RBM10: variants seen among roughly 807,000 people sequenced by gnomAD.
RBM10 encodes RNA binding motif protein 10, also known as RNA-binding protein 10.
A neutral mutation model predicts 84.9 loss-of-function variants in RBM10; 1 was observed. That is an observed-to-expected ratio of 0.01 (90% CI 0.00 to 0.06). The LOEUF (loss-of-function observed/expected upper bound fraction) is 0.06. RBM10 is among the 10% of genes least tolerant of loss of function. RBM10 has a pLI of 1.00. For synonymous variants in RBM10, 326 were observed against 344.5 expected (o/e 0.95, Z 0.60); for missense variants, 438 against 839.0 (o/e 0.52, Z 5.90).
At chrX:47,181,037 G>A (rs994392522) in intron 12 of RBM10, among the ~76,000 whole-genome samples, 178 bp from the exon 13 acceptor site, 1 of 111,206 alleles carries the variant, frequency 9.0e-6, no homozygotes, top group Non-Finnish European at 1.9e-5. Context: ...TTTGCCACTG[G>A]CCTATTTGTT....
chrX:47,167,964 G>C (rs1260663076), intron 2 of RBM10, among the ~76,000 whole-genome samples: 5 of 111,663 alleles, frequency 4.5e-5, no homozygotes, highest in African/African-American at 1.3e-4. Context: ...CTGTTTAATT[G>C]CTTTAGCTAG....
At chrX:47,167,378 C>CTT (rs59244074) in intron 2 of RBM10, among the ~76,000 whole-genome samples, 4 of 88,502 alleles carry the variant, frequency 4.5e-5, no homozygotes, top group East Asian at 6.9e-4. Context: ...GATTTCATTT[C>CTT]TTTTTTTTTT....
intron 2 of RBM10, among the ~76,000 whole-genome samples, chrX:47,161,517 T>A (rs1602525110): frequency 1.7e-5 from 1 of 60,472 alleles, no homozygotes; most frequent in South Asian, 6.0e-4. Context: ...TCATTAGTTT[T>A]TTTTTTTTTT....
In RBM10 at chrX:47,186,631, G is replaced by A; in HGVS notation, c.*32G>A. ...TCAAGAGCAACTTCTCCACATGTTG[G>A]GTGTCCATCCTGGGGCAGGGAAGGA... On this transcript the variant is annotated 3_prime_UTR_variant, in exon 24 of 24. Coordinates refer to ENST00000377604, the MANE Select transcript of RBM10 (RefSeq NM_005676.5). The A allele has an allele frequency of 2.5e-6, 3 of 1,210,188 alleles. No homozygotes were observed. In the African/African-American group the frequency reaches 5.2e-5, roughly 21 times the overall value.
At chrX:47,157,875 G>A in intron 2 of RBM10, 1 of 295,607 alleles carries the variant, frequency 3.4e-6, no homozygotes, top group Non-Finnish European at 6.0e-6. Context: ...TGCCCCCCAG[G>A]TTCAAGCGAT....
At chrX:47,185,665 C>T (rs1935853555) in intron 20 of RBM10, 35 bp downstream of exon 20, 1 of 1,207,683 alleles carries the variant, frequency 8.3e-7, no homozygotes, top group Non-Finnish European at 1.1e-6. Flanking sequence ...ATGCTGGGGC[C>T]TGGCCCACTG....
chrX:47,173,926 TCTCTC>T (rs1556774891), intron 5 of RBM10, among the ~76,000 whole-genome samples: 3 of 99,118 alleles, frequency 3.0e-5, no homozygotes, highest in Admixed American at 1.1e-4. Flanking sequence ...TCTCTCTCTC[TCTCTC>T]TCTTTCTCCC....
chrX:47,179,612 G>T (rs2147170852), intron 9 of RBM10, 117 bp downstream of exon 9: 1 of 902,512 alleles, frequency 1.1e-6, no homozygotes, highest in South Asian at 2.2e-5. Context: ...TTGGTGCGGG[G>T]ATAGACATTT....
intron 2 of RBM10, among the ~76,000 whole-genome samples, chrX:47,150,918 T>A (rs1005681079): frequency 6.3e-5 from 7 of 111,832 alleles, no homozygotes; most frequent in Admixed American, 5.7e-4. Flanking sequence ...TCTTTGTAAG[T>A]AGTCATTTCA....
At chrX:47,176,436 T>C in intron 6 of RBM10, 64 bp from the exon 7 acceptor site, 1 of 1,204,238 alleles carries the variant, frequency 8.3e-7, no homozygotes, top group East Asian at 3.0e-5. Flanking sequence ...TCTCTTCTCC[T>C]ATGCTGAAAC....
At chrX:47,178,588 G>A (rs782512977) in intron 7 of RBM10, among the ~76,000 whole-genome samples, 3 of 112,202 alleles carry the variant, frequency 2.7e-5, no homozygotes, top group East Asian at 2.8e-4. Flanking sequence ...GAACAGAGAT[G>A]GAGTGTGGTA....
intron 7 of RBM10, 105 bp downstream of exon 7, chrX:47,176,691 C>T: frequency 8.8e-7 from 1 of 1,138,691 alleles, no homozygotes; most frequent in Non-Finnish European, 1.2e-6. Flanking sequence ...CTCTCCCCCT[C>T]CCCCAATCTC....
intron 4 of RBM10, among the ~76,000 whole-genome samples, chrX:47,172,421 C>G (rs1934742771): frequency 8.9e-6 from 1 of 112,312 alleles, no homozygotes; most frequent in Non-Finnish European, 1.9e-5. Context: ...GACTCCTTCC[C>G]AAGAATGGCT....
chrX:47,146,224 T>A (rs1932201868), intron 1 of RBM10, among the ~76,000 whole-genome samples: 1 of 110,665 alleles, frequency 9.0e-6, no homozygotes, highest in South Asian at 3.8e-4. Flanking sequence ...GGCCCTTGGC[T>A]GTGGTGGATG....
At chrX:47,159,618 G>A (rs1361222378) in intron 2 of RBM10, among the ~76,000 whole-genome samples, 1 of 111,076 alleles carries the variant, frequency 9.0e-6, no homozygotes, top group Non-Finnish European at 1.9e-5. Flanking sequence ...TGGTCCTGGT[G>A]CAAAAACAGA....
intron 17 of RBM10, among the ~76,000 whole-genome samples, chrX:47,183,114 C>T (rs1556780622): frequency 8.9e-6 from 1 of 111,789 alleles, no homozygotes; most frequent in East Asian, 2.8e-4. Flanking sequence ...CTTCTTGCCG[C>T]ATCATAACAT....
At position 47,171,051 on chromosome X, in the gene RBM10, C is replaced by G. The variant is rs1556772583; in HGVS notation, c.225C>G (p.Gly75=). Residue 75 remains glycine, a synonymous_variant, in exon 4 of 24, where the codon GGC becomes GGG. Coordinates refer to ENST00000377604, the MANE Select transcript of RBM10 (RefSeq NM_005676.5). ...SAEDSYEASP[G]SETQRRRRRR... The stretch of plus-strand genomic sequence containing the variant: ...AGGATTCCTACGAGGCCTCCCCGGG[C>G]TCCGAGACTCAGCGTAGGCGGCGGC... 4.1e-6 allele frequency: 5 copies of G among 1,209,486 alleles called. No homozygotes were observed. The highest frequency in any genetic ancestry group is 2.2e-5 in the Admixed American group (1 of 45,854).
intron 2 of RBM10, among the ~76,000 whole-genome samples, chrX:47,161,149 G>T (rs369136978): frequency 3.6e-5 from 4 of 109,647 alleles, no homozygotes; most frequent in Non-Finnish European, 5.7e-5. Context: ...TCTGACTACT[G>T]TGTTACCCAG....
chrX:47,170,873 C>A (rs933888343), intron 3 of RBM10, among the ~76,000 whole-genome samples, 155 bp from the exon 4 acceptor site: 3 of 112,493 alleles, frequency 2.7e-5, no homozygotes, highest in African/African-American at 9.7e-5. Flanking sequence ...GATTGCAGGC[C>A]GGGGCCTGCC....
Sources: gnomAD v4.1 joint callset for allele counts (sites outside exome capture counted in the v4.1 genomes callset) on GRCh38, gnomAD v4.1.1 for gene constraint, MANE v1.5 for transcripts, NCBI Gene and HGNC (gene_info 2026-07-23, HGNC 2026-07-21) for gene names.